Variants in IQGAP2 observed in about 807,000 individuals in gnomAD.
IQGAP2 encodes the protein IQ motif containing GTPase activating protein 2.
Under a neutral mutation model 201.3 loss-of-function variants are expected in IQGAP2, and 173 were observed. The observed-to-expected ratio is 0.86, with a 90% CI of 0.76 to 0.98. IQGAP2 has a LOEUF of 0.98. Ranked by LOEUF, IQGAP2 falls within the 50% of genes least tolerant of loss-of-function variation. The probability of loss-of-function intolerance (pLI) is 0.00; values close to 1 mark genes in which losing one functional copy is unlikely to be tolerated. For missense variants in IQGAP2, 1,687 were observed against 1,864.8 expected (o/e 0.90, Z 1.76); for synonymous variants, 675 against 673.9 (o/e 1.00, Z -0.03).
At chr5:76,690,496 T>C (rs1746168771) in intron 30 of IQGAP2, among the ~76,000 whole-genome samples, 1 of 152,112 alleles carries the variant, frequency 6.6e-6, no homozygotes, top group Admixed American at 6.5e-5. Flanking sequence ...CGGGCCACAG[T>C]CCTAAGACTA....
At position 76,502,509 on chromosome 5, in the gene IQGAP2, A is replaced by G. The variant is rs78350380; in HGVS notation, c.146+40840A>G. On this transcript the variant is annotated intron_variant, in intron 2 of 35. Coordinates refer to ENST00000274364, the MANE Select transcript of IQGAP2 (RefSeq NM_006633.5). ...CCACTTGCTGAGGGACAATAAAAGG[A>G]GTGGAGGAAGGCAGTCAGTCACTTT... Among the ~76,000 whole-genome samples, 499 of 152,270 alleles carry G rather than the reference A, an allele frequency of 3.3e-3. 3 individuals are homozygous for G. Among genetic ancestry groups the G allele is most frequent in the African/African-American group, 0.012 (478 of 41,560 alleles).
Position 76,701,315 on chromosome 5 carries a change from T to C in IQGAP2, c.4505+102T>C, listed in dbSNP as rs1165009510. ...TCTAGCAAGGCTTAACCTCAATTAC[T>C]GATGGGTGACAAGGGAAGAATACAC... On this transcript the variant is annotated intron_variant, in intron 34 of 35. Transcript: ENST00000274364. 5 of 1,065,892 alleles carry C rather than the reference T, an allele frequency of 4.7e-6. No homozygotes were observed. In the East Asian group the frequency reaches 9.5e-5, roughly 20 times the overall value. The allele number at this position is 1,065,892 out of a possible 1,614,324, so 66.0% of individuals were successfully genotyped here. A position where few individuals can be genotyped will look rare whatever the true frequency, so the allele number is the denominator to read the frequency against.
At chr5:76,472,051 C>T (rs987111582) in intron 2 of IQGAP2, among the ~76,000 whole-genome samples, 3 of 152,204 alleles carry the variant, frequency 2.0e-5, no homozygotes, top group African/African-American at 7.2e-5. Context: ...TTGTTCCATG[C>T]GGCAGCTGGT....
At chr5:76,605,270 G>A (rs1381343013) in intron 11 of IQGAP2, among the ~76,000 whole-genome samples, 2 of 152,204 alleles carry the variant, frequency 1.3e-5, no homozygotes, top group Middle Eastern at 3.2e-3. Flanking sequence ...AGTAATTGGA[G>A]TGGTTGACTA....
chr5:76,597,257 A>T (rs539753772), intron 9 of IQGAP2, 182 bp from the exon 10 acceptor site: 9 of 608,852 alleles, frequency 1.5e-5, no homozygotes, highest in Non-Finnish European at 2.0e-5. Context: ...AATTCCAAAG[A>T]TTGGATTAGT....
At chr5:76,462,481 C>T (rs1486716096) in intron 2 of IQGAP2, among the ~76,000 whole-genome samples, 1 of 152,180 alleles carries the variant, frequency 6.6e-6, no homozygotes, top group Non-Finnish European at 1.5e-5. Context: ...ATACTTTCCT[C>T]ATGAGAGGAA....
chr5:76,448,755 T>A (rs1423507307), intron 1 of IQGAP2, among the ~76,000 whole-genome samples: 1 of 152,160 alleles, frequency 6.6e-6, no homozygotes, highest in East Asian at 1.9e-4. Flanking sequence ...CAGATCCACA[T>A]GGACTATGAA....
In IQGAP2 at chr5:76,668,767, A is replaced by T; in HGVS notation, c.2766A>T (p.Leu922=). 6.2e-7 allele frequency: 1 copy of T among 1,609,620 alleles called. No individual in the cohort carries two copies. The highest frequency in any genetic ancestry group is 8.5e-7 in the Non-Finnish European group (1 of 1,177,214). The change falls in exon 23 of 36, where the codon CTA becomes CTT. Residue 922 remains leucine, a synonymous_variant. Coordinates refer to ENST00000274364, the MANE Select transcript of IQGAP2 (RefSeq NM_006633.5). ...TTATGGATACTGTTATTTTCACACT[A>T]TATAATTATGCCTCTAATCAGCGAG... The part of the protein sequence containing the change: ...TKFMDTVIFT[L]YNYASNQREE...
At chr5:76,461,746 C>A in intron 2 of IQGAP2, 77 bp downstream of exon 2, 1 of 1,016,260 alleles carries the variant, frequency 9.8e-7, no homozygotes, top group Non-Finnish European at 1.5e-6. Context: ...GATTTGATGA[C>A]CAGAGGGTTC....
intron 1 of IQGAP2, among the ~76,000 whole-genome samples, chr5:76,452,905 C>CTTTTTTTT (rs71604293): frequency 2.8e-5 from 3 of 106,058 alleles, no homozygotes; most frequent in Non-Finnish European, 3.8e-5. Flanking sequence ...CAATTCCTAT[C>CTTTTTTTT]TTTTTTTTTT....
intron 2 of IQGAP2, among the ~76,000 whole-genome samples, chr5:76,486,867 T>G (rs2150150960): frequency 6.6e-6 from 1 of 152,308 alleles, no homozygotes; most frequent in East Asian, 1.9e-4. Context: ...TTTTCCTTTT[T>G]ATATCTGTCC....
chr5:76,623,784 A>G (rs1055634318), intron 13 of IQGAP2, among the ~76,000 whole-genome samples: 25 of 152,158 alleles, frequency 1.6e-4, no homozygotes, highest in Admixed American at 9.8e-4. Flanking sequence ...TGGAAAACAA[A>G]CTTTTAAGAA....
chr5:76,647,275 A>G (rs1415765941), intron 17 of IQGAP2, among the ~76,000 whole-genome samples: 2 of 152,208 alleles, frequency 1.3e-5, no homozygotes, highest in Non-Finnish European at 1.5e-5. Flanking sequence ...AAGGAATGAC[A>G]TAGTGGTGAG....
chr5:76,586,919 G>A lies in IQGAP2; in HGVS notation c.459-1987G>A, dbSNP rs111547862. On this transcript the variant is annotated intron_variant, in intron 5 of 35. Transcript: ENST00000274364. ...TGAGCCTTCCTGGCTTGTAAGCCTCGTGCCCCCAGGAGCCAATATCTATAG... is the reference window on the plus strand; with the variant it reads ...TGAGCCTTCCTGGCTTGTAAGCCTCATGCCCCCAGGAGCCAATATCTATAG... Among the ~76,000 whole-genome samples, 742 of 152,234 alleles carry A rather than the reference G, an allele frequency of 4.9e-3. 4 individuals are homozygous for A. Among genetic ancestry groups the A allele is most frequent in the East Asian group, 0.015 (80 of 5,178 alleles).
chr5:76,496,720 CTTTCTTTTCTTT>C lies in IQGAP2; in HGVS notation c.146+35052_146+35063del, dbSNP rs1316199300. Among the ~76,000 whole-genome samples, 68 of 17,844 alleles carry C rather than the reference CTTTCTTTTCTTT, an allele frequency of 3.8e-3. 4 individuals carry two copies. The highest frequency in any genetic ancestry group is 0.017 in the African/African-American group (67 of 3,870). 11.7% of individuals were successfully genotyped at this position (17,844 alleles called of 152,430 possible). ...TTTCTGTCTCTTTCTTTCTTTCTTT[CTTTCTTTTCTTT>C]CTTTCTTTCTTTCTTTCTTTCTTTC... On this transcript the variant is annotated intron_variant, in intron 2 of 35. Coordinates refer to ENST00000274364, the MANE Select transcript of IQGAP2 (RefSeq NM_006633.5).
chr5:76,458,052 G>T (rs1477549305), intron 1 of IQGAP2, among the ~76,000 whole-genome samples: 1 of 152,164 alleles, frequency 6.6e-6, no homozygotes, highest in East Asian at 1.9e-4. Context: ...CTTGGGCTTG[G>T]CAGTGACAAG....
intron 1 of IQGAP2, among the ~76,000 whole-genome samples, chr5:76,422,554 CA>C (rs1350105900): frequency 6.6e-6 from 1 of 152,180 alleles, no homozygotes; most frequent in Non-Finnish European, 1.5e-5. Context: ...GATTATTTAA[CA>C]AGAGAAAATG....
chr5:76,409,948 G>T (rs990033176), intron 1 of IQGAP2, among the ~76,000 whole-genome samples: 11 of 152,300 alleles, frequency 7.2e-5, no homozygotes, highest in African/African-American at 2.6e-4. Flanking sequence ...GTTTTCTCCT[G>T]TACCTTGAGA....
intron 5 of IQGAP2, 64 bp downstream of exon 5, chr5:76,575,833 A>G (rs1010160100): frequency 2.2e-6 from 2 of 919,798 alleles, no homozygotes; most frequent in African/African-American, 1.7e-5. Flanking sequence ...TAAAATTTCA[A>G]TTTTAAAAGA....
Sources: allele counts gnomAD v4.1 joint callset (sites outside exome capture counted in the v4.1 genomes callset), GRCh38; gene constraint gnomAD v4.1.1; transcripts MANE v1.5; gene names NCBI Gene and HGNC (gene_info 2026-07-23, HGNC 2026-07-21).